The following IL1RAPL1 variants were observed in gnomAD, a reference collection of about 807,000 sequenced individuals.
IL1RAPL1 encodes the protein interleukin 1 receptor accessory protein like 1.
IL1RAPL1 carries 3 observed loss-of-function variants against 48.4 expected under a neutral mutation model. That is an observed-to-expected ratio of 0.06 (90% CI 0.03 to 0.16). The LOEUF (loss-of-function observed/expected upper bound fraction) is 0.16, where lower values mean the gene tolerates loss of function less well. Ranked by LOEUF, IL1RAPL1 falls within the 10% of genes least tolerant of loss-of-function variation. IL1RAPL1 has a pLI of 1.00. For synonymous variants in IL1RAPL1, 185 were observed against 187.7 expected (o/e 0.99, Z 0.12); for missense variants, 349 against 530.6 (o/e 0.66, Z 3.36).
At chrX:29,334,850 C>T (rs1320995431) in intron 3 of IL1RAPL1, among the ~76,000 whole-genome samples, 1,729 of 107,810 alleles carry the variant, frequency 0.016, no homozygotes, top group African/African-American at 0.063. Flanking sequence ...CAGGCAGAGA[C>T]GCTCCTCACT....
chrX:28,645,720 T>C (rs1305228338), intron 1 of IL1RAPL1, among the ~76,000 whole-genome samples: 3 of 112,046 alleles, frequency 2.7e-5, no homozygotes, highest in Non-Finnish European at 5.6e-5. Context: ...ATTGAGCCTA[T>C]GAATATTCCA....
chrX:28,641,117 A>C (rs1014057528), intron 1 of IL1RAPL1, among the ~76,000 whole-genome samples: 6 of 108,045 alleles, frequency 5.6e-5, no homozygotes, highest in Non-Finnish European at 1.1e-4. Context: ...CAGAACATGT[A>C]GGTTTCTTAC....
intron 2 of IL1RAPL1, among the ~76,000 whole-genome samples, chrX:28,802,331 A>G (rs764611322): frequency 8.0e-5 from 9 of 112,137 alleles, no homozygotes; most frequent in African/African-American, 2.6e-4. Context: ...TTGTAGAGTT[A>G]TGGTCTCTTA....
chrX:28,932,508 C>T (rs773695937), intron 2 of IL1RAPL1, among the ~76,000 whole-genome samples: 1 of 111,372 alleles, frequency 9.0e-6, no homozygotes, highest in Non-Finnish European at 1.9e-5. Flanking sequence ...AATTCAAGTA[C>T]TAGCGTTTCA....
chrX:29,427,116 T>C (rs1480485857), intron 5 of IL1RAPL1, among the ~76,000 whole-genome samples: 1 of 112,040 alleles, frequency 8.9e-6, no homozygotes, highest in Non-Finnish European at 1.9e-5. Flanking sequence ...GGTGTTAACA[T>C]TGTCTTGACT....
At chrX:28,908,822 TTTTTC>T (rs1337420107) in intron 2 of IL1RAPL1, among the ~76,000 whole-genome samples, 2 of 112,087 alleles carry the variant, frequency 1.8e-5, no homozygotes, top group Non-Finnish European at 1.9e-5. Flanking sequence ...GATTTATCTA[TTTTTC>T]TTTTCATGTT....
chrX:29,701,823 GAGAA>G (rs1223424560), intron 6 of IL1RAPL1, among the ~76,000 whole-genome samples: 1 of 111,271 alleles, frequency 9.0e-6, no homozygotes, highest in Non-Finnish European at 1.9e-5. Context: ...GGGGAAGAGA[GAGAA>G]AGAGTGAGAA....
Position 29,955,848 on chromosome X carries a change from G to T in IL1RAPL1, c.*28G>T, listed in dbSNP as rs751033164. ...GAAAAGCAAGGGACATCCCGTCCCT[G>T]GGAGGTTGAGTGGAATCTGCAGTCC... On this transcript the variant is annotated 3_prime_UTR_variant, in exon 11 of 11. Coordinates refer to ENST00000378993, the MANE Select transcript of IL1RAPL1 (RefSeq NM_014271.4). The T allele has an allele frequency of 8.9e-7, 1 of 1,127,461 alleles. No individual in the cohort carries two copies. Among genetic ancestry groups the T allele is most frequent in the South Asian group, 1.8e-5 (1 of 54,711 alleles). 92.9% of individuals were successfully genotyped at this position (1,127,461 alleles called of 1,213,427 possible).
intron 6 of IL1RAPL1, among the ~76,000 whole-genome samples, chrX:29,850,257 G>A (rs766677057): frequency 1.8e-5 from 2 of 111,760 alleles, no homozygotes; most frequent in African/African-American, 3.3e-5. Context: ...TCTGTCAAGG[G>A]GATCAGTGTT....
chrX:29,344,747 C>T (rs909088336), intron 3 of IL1RAPL1, among the ~76,000 whole-genome samples: 1 of 112,138 alleles, frequency 8.9e-6, no homozygotes, highest in Admixed American at 9.5e-5. Flanking sequence ...AAGCGATTCT[C>T]CTGTCTCAGC....
chrX:29,479,029 GT>G (rs112940021), intron 5 of IL1RAPL1, among the ~76,000 whole-genome samples: 4,077 of 105,239 alleles, frequency 0.039, 190 homozygotes, highest in African/African-American at 0.13. Flanking sequence ...GAAAGCAGAA[GT>G]TTTTTTTTTT....
intron 5 of IL1RAPL1, among the ~76,000 whole-genome samples, chrX:29,575,077 C>A (rs1464334189): frequency 1.8e-5 from 2 of 111,712 alleles, no homozygotes; most frequent in Non-Finnish European, 3.8e-5. Context: ...CTCAGCTTCC[C>A]ATCTTCTTCT....
intron 2 of IL1RAPL1, among the ~76,000 whole-genome samples, chrX:29,114,690 T>G (rs1414750418): frequency 9.0e-6 from 1 of 111,158 alleles, no homozygotes; most frequent in Non-Finnish European, 1.9e-5. Flanking sequence ...TGCAGTGGTG[T>G]GATCTCTGGG....
At chrX:29,385,456 T>A (rs5928339) in intron 3 of IL1RAPL1, among the ~76,000 whole-genome samples, 7 of 107,642 alleles carry the variant, frequency 6.5e-5, no homozygotes, top group Admixed American at 9.7e-5. Flanking sequence ...TCCGTCTCAA[T>A]AAAAAAAAAA....
chrX:29,089,419 T>G, intron 2 of IL1RAPL1, among the ~76,000 whole-genome samples: 1 of 110,216 alleles, frequency 9.1e-6, no homozygotes, highest in East Asian at 2.9e-4. Flanking sequence ...TTTTTTGTAG[T>G]CTACAGTTTA....
At chrX:29,313,313 A>G (rs964863680) in intron 3 of IL1RAPL1, among the ~76,000 whole-genome samples, 2 of 109,288 alleles carry the variant, frequency 1.8e-5, no homozygotes, top group Non-Finnish European at 3.8e-5. Flanking sequence ...TCTCACGCTC[A>G]TAGTCTGTCT....
intron 2 of IL1RAPL1, among the ~76,000 whole-genome samples, chrX:29,068,037 G>A (rs1394503122): frequency 2.7e-5 from 3 of 111,428 alleles, no homozygotes; most frequent in Non-Finnish European, 1.9e-5. Flanking sequence ...TAAGCTTAAT[G>A]TATCTCTAGT....
chrX:29,239,031 T>C (rs1231442784), intron 2 of IL1RAPL1, among the ~76,000 whole-genome samples: 1 of 112,691 alleles, frequency 8.9e-6, no homozygotes, highest in East Asian at 2.8e-4. Flanking sequence ...AGAAATATGA[T>C]TTTAAATTAT....
At chrX:29,178,192 T>G (rs772129097) in intron 2 of IL1RAPL1, among the ~76,000 whole-genome samples, 1 of 112,163 alleles carries the variant, frequency 8.9e-6, no homozygotes, top group Non-Finnish European at 1.9e-5. Context: ...ATGGTTGAAC[T>G]AATTTACACA....
Sources: gnomAD v4.1 joint callset for allele counts (sites outside exome capture counted in the v4.1 genomes callset) on GRCh38, gnomAD v4.1.1 for gene constraint, MANE v1.5 for transcripts, NCBI Gene and HGNC (gene_info 2026-07-23, HGNC 2026-07-21) for gene names.